LRRC4C: variants seen among roughly 807,000 people sequenced by gnomAD.
The protein encoded by LRRC4C is leucine rich repeat containing 4C.
LRRC4C carries 5 observed loss-of-function variants against 33.6 expected under a neutral mutation model. That is an observed-to-expected ratio of 0.15 (90% CI 0.08 to 0.31). LRRC4C has a LOEUF of 0.31. Among genes scored for constraint, LRRC4C ranks in the 10% least tolerant of loss-of-function variants. The pLI, the probability that LRRC4C is intolerant of heterozygous loss-of-function variation, is 1.00. For missense variants in LRRC4C, 560 were observed against 796.7 expected (o/e 0.70, Z 3.58); for synonymous variants, 329 against 302.0 (o/e 1.09, Z -0.93).
At chr11:40,170,281 T>C (rs1859936232) in intron 5 of LRRC4C, among the ~76,000 whole-genome samples, 1 of 152,160 alleles carries the variant, frequency 6.6e-6, no homozygotes, top group Non-Finnish European at 1.5e-5. Flanking sequence ...GTAGTCAGAG[T>C]TGCACATTAA....
chr11:40,405,666 C>T (rs969586666), intron 3 of LRRC4C, among the ~76,000 whole-genome samples: 1 of 148,900 alleles, frequency 6.7e-6, no homozygotes, highest in Non-Finnish European at 1.5e-5. Flanking sequence ...AATACAACTC[C>T]TCAAAAGTAA....
intron 1 of LRRC4C, among the ~76,000 whole-genome samples, chr11:41,010,092 G>T (rs561402626): frequency 6.6e-6 from 1 of 152,214 alleles, no homozygotes; most frequent in Admixed American, 6.5e-5. Context: ...GAAGAGTCAA[G>T]GAAGGATGTT....
In LRRC4C at chr11:40,896,369, G is replaced by A. The variant is rs577108941; in HGVS notation, c.-407+37266C>T. Among the ~76,000 whole-genome samples, 138 of 152,106 alleles carry A rather than the reference G, an allele frequency of 9.1e-4. 1 individual carries two copies. Among genetic ancestry groups the A allele is most frequent in the Non-Finnish European group, 1.7e-3 (116 of 67,964 alleles). ...CCTTGAAATATATCATTTCCAGATCGCCTTGAGCTCTTTATGAGGGGAAAA... is the reference window on the plus strand; with the variant it reads ...CCTTGAAATATATCATTTCCAGATCACCTTGAGCTCTTTATGAGGGGAAAA... On this transcript the variant is annotated intron_variant, in intron 2 of 6. Coordinates refer to ENST00000528697, the MANE Select transcript of LRRC4C (RefSeq NM_001258419.2).
At chr11:40,296,963 C>T (rs889786675) in intron 4 of LRRC4C, among the ~76,000 whole-genome samples, 5 of 152,138 alleles carry the variant, frequency 3.3e-5, no homozygotes, top group African/African-American at 7.2e-5. Context: ...ATTTGTTCTA[C>T]GGACATGCAG....
intron 3 of LRRC4C, among the ~76,000 whole-genome samples, chr11:40,539,637 A>T (rs531938182): frequency 6.6e-6 from 1 of 152,256 alleles, no homozygotes; most frequent in Non-Finnish European, 1.5e-5. Context: ...TGAATATAAA[A>T]CTACCTACAG....
intron 1 of LRRC4C, among the ~76,000 whole-genome samples, chr11:41,310,576 T>C (rs994088443): frequency 6.6e-6 from 1 of 152,220 alleles, no homozygotes; most frequent in Non-Finnish European, 1.5e-5. Context: ...ATTAAATAAA[T>C]TACTCCATTC....
At chr11:41,325,625 T>A (rs1273386540) in intron 1 of LRRC4C, among the ~76,000 whole-genome samples, 1 of 148,720 alleles carries the variant, frequency 6.7e-6, no homozygotes, top group African/African-American at 2.5e-5. Flanking sequence ...TAAAGACATA[T>A]TTCGTTACCT....
At chr11:40,941,553 T>C (rs1958146082) in intron 1 of LRRC4C, among the ~76,000 whole-genome samples, 1 of 152,148 alleles carries the variant, frequency 6.6e-6, no homozygotes, top group Admixed American at 6.6e-5. Context: ...ATTTTGGGCA[T>C]GGGGAAGCTA....
intron 1 of LRRC4C, among the ~76,000 whole-genome samples, chr11:41,306,527 C>T (rs950313472): frequency 6.6e-6 from 1 of 152,208 alleles, no homozygotes; most frequent in African/African-American, 2.4e-5. Context: ...TGCGCATATA[C>T]TACACACCAT....
At chr11:41,168,999 AG>A (rs1275847080) in intron 1 of LRRC4C, among the ~76,000 whole-genome samples, 2 of 152,170 alleles carry the variant, frequency 1.3e-5, no homozygotes, top group African/African-American at 4.8e-5. Flanking sequence ...TAGTATTATT[AG>A]TCTATTTTGC....
chr11:41,017,092 G>A (rs1017664121), intron 1 of LRRC4C, among the ~76,000 whole-genome samples: 7 of 152,108 alleles, frequency 4.6e-5, no homozygotes, highest in Admixed American at 1.3e-4. Context: ...CACTCTGTCC[G>A]ATACTAAGGA....
chr11:40,138,176 T>C (rs1459330977), intron 6 of LRRC4C, among the ~76,000 whole-genome samples: 3 of 152,046 alleles, frequency 2.0e-5, no homozygotes, highest in Non-Finnish European at 4.4e-5. Flanking sequence ...TTTTCTTTTT[T>C]TTTTTTTTAG....
At chr11:40,573,734 A>G (rs1049103770) in intron 3 of LRRC4C, among the ~76,000 whole-genome samples, 1 of 152,232 alleles carries the variant, frequency 6.6e-6, no homozygotes, top group African/African-American at 2.4e-5. Flanking sequence ...TGTATCCTAG[A>G]TGAATTAACT....
At position 41,343,999 on chromosome 11, in the gene LRRC4C, G is replaced by C. The variant is rs531204537; in HGVS notation, c.-496+115432C>G. Among the ~76,000 whole-genome samples, 4 of 152,212 alleles carry C rather than the reference G, an allele frequency of 2.6e-5. No individual in the cohort carries two copies. In the East Asian group the frequency reaches 7.7e-4, roughly 29 times the overall value. ...TAGCACATTTAATAGTCATTCTGCT[G>C]CTTCCAGAGCCTTCCATTATCTGAG... On this transcript the variant is annotated intron_variant, in intron 1 of 6. Transcript: ENST00000528697.
intron 3 of LRRC4C, among the ~76,000 whole-genome samples, chr11:40,615,036 C>T (rs1011941123): frequency 6.7e-6 from 1 of 150,098 alleles, no homozygotes; most frequent in Non-Finnish European, 1.5e-5. Flanking sequence ...TAAGTGGTGC[C>T]AATAGACTTG....
At chr11:40,436,294 G>T (rs1951135939) in intron 3 of LRRC4C, among the ~76,000 whole-genome samples, 1 of 152,144 alleles carries the variant, frequency 6.6e-6, no homozygotes, top group Admixed American at 6.5e-5. Flanking sequence ...GGGCTGTTTA[G>T]GTAGTTTGAG....
intron 1 of LRRC4C, among the ~76,000 whole-genome samples, chr11:41,021,206 A>AGT (rs1301143648): frequency 9.6e-4 from 81 of 84,198 alleles, no homozygotes; most frequent in African/African-American, 2.9e-3. Context: ...AGAGAGAGAG[A>AGT]GAGAGAGAGT....
intron 2 of LRRC4C, among the ~76,000 whole-genome samples, chr11:40,721,625 G>T (rs755772342): frequency 5.3e-4 from 81 of 152,166 alleles, no homozygotes; most frequent in Admixed American, 8.5e-4. Flanking sequence ...GATCACTTCT[G>T]GTCATCAGCA....
chr11:40,312,526 T>C (rs956813824), intron 4 of LRRC4C, among the ~76,000 whole-genome samples: 1 of 152,170 alleles, frequency 6.6e-6, no homozygotes, highest in Non-Finnish European at 1.5e-5. Flanking sequence ...ATAAGTAGAC[T>C]GGGTTAAGTA....
Sources: gnomAD v4.1 joint callset for allele counts (sites outside exome capture counted in the v4.1 genomes callset) on GRCh38, gnomAD v4.1.1 for gene constraint, MANE v1.5 for transcripts, NCBI Gene and HGNC (gene_info 2026-07-23, HGNC 2026-07-21) for gene names.